The following DCAF8L2 variants were observed in gnomAD, a reference collection of about 807,000 sequenced individuals.
DCAF8L2 encodes the protein DDB1- and CUL4-associated factor 8-like protein 2.
For synonymous variants in DCAF8L2, 200 were observed against 190.9 expected (o/e 1.05, Z -0.39); for missense variants, 430 against 490.7 (o/e 0.88, Z 1.17).
At chrX:27,538,068 C>T in the DCAF8L2 span, among the ~76,000 whole-genome samples, 10,033 of 111,095 alleles carry the variant, frequency 0.09, 380 homozygotes, top group Non-Finnish European at 0.12. Context: ...TCCACCTCCC[C>T]AGTCCCTTCA....
At position 27,747,618 on chromosome X, in the gene DCAF8L2, C is replaced by T; in HGVS notation, c.723C>T (p.Thr241=). 1 of 1,205,022 alleles carries T rather than the reference C, an allele frequency of 8.3e-7. No individual in the cohort carries two copies. Residue 241 remains threonine (T), a synonymous_variant, in exon 5 of 5, where the codon ACC becomes ACT. Transcript: ENST00000451261. The part of the protein sequence containing the change: ...VNTVHFNQRG[T]RLASSGDDLK... ...CTGTACACTTTAACCAGCGTGGCAC[C>T]CGGCTGGCCAGTAGCGGTGATGACC...
intron 2 of DCAF8L2, among the ~76,000 whole-genome samples, chrX:27,670,114 T>C (rs771279120): frequency 3.1e-5 from 3 of 97,238 alleles, no homozygotes; most frequent in East Asian, 2.9e-4. Context: ...AGTGTTTTTT[T>C]TGTTTGTTTT....
the DCAF8L2 span, among the ~76,000 whole-genome samples, chrX:27,481,847 G>A: frequency 1.8e-5 from 2 of 111,771 alleles, no homozygotes; most frequent in African/African-American, 3.2e-5. Context: ...TAGGATGACT[G>A]GATTGGATTT....
At chrX:27,743,487 T>G (rs754303836) in intron 4 of DCAF8L2, among the ~76,000 whole-genome samples, 1 of 109,438 alleles carries the variant, frequency 9.1e-6, no homozygotes, top group South Asian at 3.9e-4. Context: ...AACCTCTGCC[T>G]CCCGGGTTCA....
chrX:27,542,781 A>T, the DCAF8L2 span, among the ~76,000 whole-genome samples: 2 of 109,286 alleles, frequency 1.8e-5, no homozygotes, highest in Non-Finnish European at 3.8e-5. Context: ...TGACCTCGGG[A>T]TCCGCCCGCC....
rs75893337 is a variant in DCAF8L2, at chrX:27,748,963, T to C, written c.*172T>C. The C allele has an allele frequency of 1.1e-3, 632 of 590,136 alleles. 6 individuals are homozygous for C. In the South Asian group the frequency reaches 0.025, roughly 24 times the overall value. 48.6% of individuals were successfully genotyped at this position (590,136 alleles called of 1,213,427 possible). A position where few individuals can be genotyped will look rare whatever the true frequency, so the allele number is the denominator to read the frequency against. On this transcript the variant is annotated 3_prime_UTR_variant, in exon 5 of 5. Coordinates refer to ENST00000451261, the MANE Select transcript of DCAF8L2 (RefSeq NM_001353450.2). The stretch of plus-strand genomic sequence containing the variant: ...TTCCTTCCTCTCTACTTTCCTTTCT[T>C]TCTTCCACACATTCTTTCTCTCATT...
intron 3 of DCAF8L2, among the ~76,000 whole-genome samples, chrX:27,680,430 A>G (rs1265249826): frequency 8.9e-6 from 1 of 112,390 alleles, no homozygotes; most frequent in Non-Finnish European, 1.9e-5. Flanking sequence ...AGAAAAACCA[A>G]TAAAAACACT....
chrX:27,474,325 A>C, the DCAF8L2 span, among the ~76,000 whole-genome samples: 1 of 112,359 alleles, frequency 8.9e-6, no homozygotes, highest in Non-Finnish European at 1.9e-5. Flanking sequence ...ATAGTCATCT[A>C]TCTCTACATT....
At chrX:27,497,549 C>CTTCCTTCCTTCCTTCTTTCT in the DCAF8L2 span, among the ~76,000 whole-genome samples, 16 of 64,428 alleles carry the variant, frequency 2.5e-4, no homozygotes, top group East Asian at 4.1e-4. Context: ...TCCTTCCTTC[C>CTTCCTTCCTTCCTTCTTTCT]TTCTTTCTTT....
chrX:27,666,851 CAA>C (rs773640874), intron 2 of DCAF8L2, among the ~76,000 whole-genome samples: 2 of 111,914 alleles, frequency 1.8e-5, no homozygotes, highest in Non-Finnish European at 3.8e-5. Context: ...ATTATCCACA[CAA>C]GAGATTAAAG....
At position 27,628,753 on chromosome X, in the gene DCAF8L2, G is replaced by A. The variant is rs767383894; in HGVS notation, c.-341-3126G>A. 2.3e-3 allele frequency among the ~76,000 whole-genome samples: 252 copies of A among 110,202 alleles called. 2 individuals carry two copies. The highest frequency in any genetic ancestry group is 9.6e-3 in the Middle Eastern group (2 of 209). The stretch of plus-strand genomic sequence containing the variant: ...AGAGTAGCTGGGACTACAGGCGCCC[G>A]CCACCACGCCCGGCTAATTTTTTGT... On this transcript the variant is annotated intron_variant, in intron 1 of 4. Coordinates refer to ENST00000451261, the MANE Select transcript of DCAF8L2 (RefSeq NM_001353450.2).
intron 2 of DCAF8L2, among the ~76,000 whole-genome samples, chrX:27,674,511 T>A (rs1017888227): frequency 4.5e-5 from 5 of 111,008 alleles, no homozygotes; most frequent in Admixed American, 1.9e-4. Context: ...CCAGCAGTAG[T>A]TAGTACCTCT....
At chrX:27,591,458 A>C (rs1310584573) in intron 1 of DCAF8L2, among the ~76,000 whole-genome samples, 2 of 111,325 alleles carry the variant, frequency 1.8e-5, no homozygotes, top group South Asian at 7.6e-4. Flanking sequence ...TATAAAAATA[A>C]GGCAGTAAGT....
the DCAF8L2 span, among the ~76,000 whole-genome samples, chrX:27,516,965 T>C: frequency 8.9e-6 from 1 of 111,882 alleles, no homozygotes; most frequent in East Asian, 2.8e-4. Context: ...ATGCAGAGAC[T>C]GTTTCATCAA....
the DCAF8L2 span, among the ~76,000 whole-genome samples, chrX:27,547,851 C>T: frequency 4.4e-5 from 3 of 68,383 alleles, no homozygotes; most frequent in Admixed American, 1.7e-4. Flanking sequence ...CTCTTTCTCT[C>T]TCTCTCTCTC....
chrX:27,746,672 C>A, intron 4 of DCAF8L2, 166 bp from the exon 5 acceptor site: 1 of 367,075 alleles, frequency 2.7e-6, no homozygotes, highest in Non-Finnish European at 4.7e-6. Context: ...TGCGAGGCGG[C>A]GAGCAGGTAA....
rs192696929 is a variant in DCAF8L2 at position 27,616,576 on chromosome X, G to A, written c.-341-15303G>A. 4.5e-5 allele frequency among the ~76,000 whole-genome samples: 5 copies of A among 111,403 alleles called. No individual in the cohort carries two copies. In the East Asian group the frequency reaches 1.4e-3, roughly 32 times the overall value. On this transcript the variant is annotated intron_variant, in intron 1 of 4. Transcript: ENST00000451261. ...TATATACAAAAGAATGTGGACTTGG[G>A]TTCAGTCGTAACTAAACATAAAGCT...
At chrX:27,726,426 C>T (rs925441418) in intron 4 of DCAF8L2, among the ~76,000 whole-genome samples, 13 of 111,321 alleles carry the variant, frequency 1.2e-4, no homozygotes, top group African/African-American at 4.2e-4. Context: ...GTAGGTACAA[C>T]AATTTTATAA....
the DCAF8L2 span, among the ~76,000 whole-genome samples, chrX:27,563,801 A>G: frequency 8.9e-6 from 1 of 112,116 alleles, no homozygotes; most frequent in Non-Finnish European, 1.9e-5. Flanking sequence ...TCATTTTAAT[A>G]CACACTTATA....
Sources: allele counts gnomAD v4.1 joint callset (sites outside exome capture counted in the v4.1 genomes callset), GRCh38; gene constraint gnomAD v4.1.1; transcripts MANE v1.5; gene names NCBI Gene and HGNC (gene_info 2026-07-23, HGNC 2026-07-21).